Variants in VWA2 observed in about 807,000 individuals in gnomAD.
VWA2 encodes von Willebrand factor A domain containing 2, also known as von Willebrand factor A domain-containing protein 2.
In VWA2, 73 loss-of-function variants were observed where a neutral mutation model predicts 70.4. The ratio of observed to expected loss-of-function variants is 1.04; its 90% CI spans 0.86 to 1.26. VWA2 has a LOEUF of 1.26. Among genes scored for constraint, VWA2 ranks in the 50% most tolerant of loss-of-function variants. The pLI, the probability that VWA2 is intolerant of heterozygous loss-of-function variation, is 0.00. For missense variants in VWA2, 1,011 were observed against 998.5 expected (o/e 1.01, Z -0.17); for synonymous variants, 407 against 423.3 (o/e 0.96, Z 0.47).
rs1310295941 is a variant in VWA2 at position 114,248,702 on chromosome 10, A to G, written c.-10-2A>G. Reference sequence around the variant, plus strand: ...TTTCTTTCTTTTCCTGTGTCCCTGTAGTTATATCAACATGCCCCCTTTCCT... The same window carrying G: ...TTTCTTTCTTTTCCTGTGTCCCTGTGGTTATATCAACATGCCCCCTTTCCT... On this transcript the variant is annotated splice_acceptor_variant, in intron 1 of 13. Transcript: ENST00000392982. LOFTEE classifies it low-confidence loss of function (5UTR_SPLICE). The G allele has an allele frequency of 6.2e-7, 1 of 1,612,188 alleles. No individual in the cohort carries two copies.
At chr10:114,276,692 T>TTTG (rs2037851032) in intron 6 of VWA2, among the ~76,000 whole-genome samples, 1 of 148,444 alleles carries the variant, frequency 6.7e-6, no homozygotes, top group Non-Finnish European at 1.5e-5. Context: ...TTTTTTTTTT[T>TTTG]TTTTTTTGTA....
chr10:114,281,714 G>A, intron 8 of VWA2: 1 of 985,172 alleles, frequency 1.0e-6, no homozygotes, highest in African/African-American at 1.7e-5. Context: ...GGCGGGGCTG[G>A]GGCACTGCGG....
chr10:114,256,489 G>A (rs1397471251), intron 4 of VWA2, among the ~76,000 whole-genome samples: 2 of 152,216 alleles, frequency 1.3e-5, no homozygotes, highest in Admixed American at 1.3e-4. Flanking sequence ...GCTGAGGACA[G>A]TGGTTTTCAT....
Position 114,248,688 on chromosome 10 carries a change from T to C in VWA2, c.-10-16T>C, listed in dbSNP as rs778425852. On this transcript the variant is annotated splice_polypyrimidine_tract_variant and intron_variant, in intron 1 of 13. Transcript: ENST00000392982. ...CTAATTGCTGATACTTTCTTTCTTT[T>C]CCTGTGTCCCTGTAGTTATATCAAC... 2 of 1,609,848 alleles carry C rather than the reference T, an allele frequency of 1.2e-6. No homozygotes were observed. The highest frequency in any genetic ancestry group is 8.5e-7 in the Non-Finnish European group (1 of 1,176,180).
chr10:114,289,177 C>T lies in VWA2; in HGVS notation c.1810C>T (p.Leu604=), dbSNP rs1485693046. ...GCGGGCCATTAGCCAGGCCCCCTACCTAGGTGGGGTGGGCTCAGCCGGCAC... is the reference window on the plus strand; with the variant it reads ...GCGGGCCATTAGCCAGGCCCCCTACTTAGGTGGGGTGGGCTCAGCCGGCAC... The part of the protein sequence containing the change: ...MLRAISQAPY[L]GGVGSAGTAL... Residue 604 remains leucine (L), a synonymous_variant, in exon 12 of 14, where the codon CTA becomes TTA. Coordinates refer to ENST00000392982, the MANE Select transcript of VWA2 (RefSeq NM_001272046.2). 6.2e-7 allele frequency: 1 copy of T among 1,613,744 alleles called. No individual in the cohort carries two copies. Among genetic ancestry groups the T allele is most frequent in the Non-Finnish European group, 8.5e-7 (1 of 1,179,872 alleles).
intron 5 of VWA2, among the ~76,000 whole-genome samples, chr10:114,266,083 G>T (rs899600954): frequency 6.6e-6 from 1 of 152,108 alleles, no homozygotes; most frequent in Non-Finnish European, 1.5e-5. Context: ...AGATCACGAG[G>T]TCGGGATATC....
At chr10:114,246,792 T>G in intron 1 of VWA2, 1 of 1,155,182 alleles carries the variant, frequency 8.7e-7, no homozygotes, top group East Asian at 2.3e-5. Context: ...TAAAATTTAT[T>G]TTACCATTGA....
intron 1 of VWA2, chr10:114,246,425 C>G: frequency 1.7e-6 from 1 of 595,568 alleles, no homozygotes; most frequent in Non-Finnish European, 2.9e-6. Context: ...CGCTTGAACC[C>G]GGGAGGCAGA....
At chr10:114,289,992 CAA>C (rs35165936) in intron 12 of VWA2, 60,380 of 212,336 alleles carry the variant, frequency 0.28, 4,348 homozygotes, top group African/African-American at 0.34. Context: ...GATTCTGCCT[CAA>C]AAAAAAAAAA....
In VWA2 at chr10:114,291,230, G is replaced by C; in HGVS notation, c.2261G>C (p.Arg754Pro). The C allele has an allele frequency of 6.5e-7, 1 of 1,550,384 alleles. No homozygotes were observed. The highest frequency in any genetic ancestry group is 8.7e-7 in the Non-Finnish European group (1 of 1,146,904). ...GPHCENRFLRRP is the reference protein window; with the variant it reads ...GPHCENRFLRPP ...CTTCCTTCCCCAGGATTCTTGAGACGCCCCTGAGGCACATGGCTCCCGTGC... is the reference window on the plus strand; with the variant it reads ...CTTCCTTCCCCAGGATTCTTGAGACCCCCCTGAGGCACATGGCTCCCGTGC... The change falls in exon 14 of 14, where the codon CGC becomes CCC. Residue 754 changes from arginine (R) to proline (P), a missense_variant. Arg to Pro is a moderately radical substitution (Grantham distance 103, BLOSUM62 -2). Coordinates refer to ENST00000392982, the MANE Select transcript of VWA2 (RefSeq NM_001272046.2).
rs903487659 is a variant in VWA2, at chr10:114,293,141, A to C, written c.*1904A>C. 6.6e-6 allele frequency among the ~76,000 whole-genome samples: 1 copy of C among 152,252 alleles called. No homozygotes were observed. The highest frequency in any genetic ancestry group is 2.1e-4 in the South Asian group (1 of 4,830). On this transcript the variant is annotated 3_prime_UTR_variant, in exon 14 of 14. Coordinates refer to ENST00000392982, the MANE Select transcript of VWA2 (RefSeq NM_001272046.2). Reference sequence around the variant, plus strand: ...TATCACCAAGATTTTAGATATTAAAAAGTCTGGTGTACCAGACATTGAGTC... The same window carrying C: ...TATCACCAAGATTTTAGATATTAAACAGTCTGGTGTACCAGACATTGAGTC...
intron 5 of VWA2, among the ~76,000 whole-genome samples, chr10:114,262,647 G>A (rs937964705): frequency 6.6e-6 from 1 of 152,116 alleles, no homozygotes; most frequent in Non-Finnish European, 1.5e-5. Context: ...AGAAGCCTGA[G>A]GCCCCACAAT....
At chr10:114,278,987 G>A (rs905859093) in intron 8 of VWA2, 136 bp downstream of exon 8, 1 of 1,369,502 alleles carries the variant, frequency 7.3e-7, no homozygotes, top group East Asian at 2.3e-5. Flanking sequence ...GGGAGCCAGG[G>A]ACGTAGCCAT....
At chr10:114,252,165 A>C (rs2037210611) in intron 2 of VWA2, among the ~76,000 whole-genome samples, 1 of 152,080 alleles carries the variant, frequency 6.6e-6, no homozygotes, top group African/African-American at 2.4e-5. Flanking sequence ...TTTAAATGCA[A>C]GTAGATTTTT....
chr10:114,267,580 C>T (rs540988935), intron 5 of VWA2, among the ~76,000 whole-genome samples: 11 of 151,164 alleles, frequency 7.3e-5, no homozygotes, highest in East Asian at 1.9e-4. Flanking sequence ...TACAGGCCCC[C>T]GCCACCACAC....
rs370895558 is a variant in VWA2 at position 114,255,045 on chromosome 10, G to C, written c.258G>C (p.Glu86Asp). Reference protein sequence around the residue: ...TVCDGLDISPERVRVGAFQFS... With the variant: ...TVCDGLDISPDRVRVGAFQFS... ...GTGACGGTCTGGACATCAGCCCCGAGAGGGTGAGTGCAAGTCTTGTGGGTG... is the reference window on the plus strand; with the variant it reads ...GTGACGGTCTGGACATCAGCCCCGACAGGGTGAGTGCAAGTCTTGTGGGTG... Residue 86 changes from glutamate to aspartate, a missense_variant, in exon 4 of 14, where the codon GAG becomes GAC. Coordinates refer to ENST00000392982, the MANE Select transcript of VWA2 (RefSeq NM_001272046.2). The C allele has an allele frequency of 3.1e-6, 5 of 1,611,836 alleles. No individual in the cohort carries two copies. Among genetic ancestry groups the C allele is most frequent in the Non-Finnish European group, 4.2e-6 (5 of 1,179,864 alleles).
Position 114,291,620 on chromosome 10 carries a change from T to C in VWA2, c.*383T>C. The C allele has an allele frequency of 4.8e-6, 1 of 206,400 alleles. No individual in the cohort carries two copies. The highest frequency in any genetic ancestry group is 9.8e-6 in the Non-Finnish European group (1 of 101,616). 12.8% of individuals were successfully genotyped at this position (206,400 alleles called of 1,614,324 possible). A position where few individuals can be genotyped will look rare whatever the true frequency, so the allele number is the denominator to read the frequency against. Reference sequence around the variant, plus strand: ...CGGCCTGACGTTCCTTTGCACACAATCAATGCTCGCCAGAATGTTGTTGAC... The same window carrying C: ...CGGCCTGACGTTCCTTTGCACACAACCAATGCTCGCCAGAATGTTGTTGAC... On this transcript the variant is annotated 3_prime_UTR_variant, in exon 14 of 14. Coordinates refer to ENST00000392982, the MANE Select transcript of VWA2 (RefSeq NM_001272046.2).
At chr10:114,279,099 A>G (rs760431485) in intron 8 of VWA2, among the ~76,000 whole-genome samples, 10 of 152,094 alleles carry the variant, frequency 6.6e-5, no homozygotes, top group Non-Finnish European at 1.2e-4. Context: ...GGCATTCTGG[A>G]AGGCTGGTGA....
chr10:114,283,199 T>A (rs1291411233), intron 9 of VWA2, among the ~76,000 whole-genome samples: 1 of 152,116 alleles, frequency 6.6e-6, no homozygotes, highest in Non-Finnish European at 1.5e-5. Context: ...GGGGTGGATT[T>A]GTTACTCCCG....
Sources: gnomAD v4.1 joint callset for allele counts (sites outside exome capture counted in the v4.1 genomes callset) on GRCh38, gnomAD v4.1.1 for gene constraint, MANE v1.5 for transcripts, NCBI Gene and HGNC (gene_info 2026-07-23, HGNC 2026-07-21) for gene names.